The following TYMP variants were observed in gnomAD, a reference collection of about 807,000 sequenced individuals.
The protein encoded by TYMP is thymidine phosphorylase.
In TYMP, 46 loss-of-function variants were observed where a neutral mutation model predicts 42.3. The observed-to-expected ratio is 1.09, with a 90% CI of 0.86 to 1.39. The LOEUF is 1.39. Ranked by LOEUF, TYMP falls within the 40% of genes most tolerant of loss-of-function variation. The pLI is 0.00. For synonymous variants in TYMP, 363 were observed against 308.0 expected (o/e 1.18, Z -1.87); for missense variants, 837 against 677.6 (o/e 1.24, Z -2.61).
intron 5 of TYMP, 41 bp from the exon 6 acceptor site, chr22:50,527,324 T>C: frequency 6.5e-7 from 1 of 1,528,612 alleles, no homozygotes; most frequent in Non-Finnish European, 9.1e-7. Flanking sequence ...ATGGAGAACC[T>C]GGAGCTTCTT....
intron 5 of TYMP, 22 bp downstream of exon 5, chr22:50,527,566 G>A (rs2148680302): frequency 6.2e-7 from 1 of 1,613,910 alleles, no homozygotes; most frequent in Non-Finnish European, 8.5e-7. Flanking sequence ...ACATGCAGAA[G>A]CAGGCCATGG....
At position 50,527,648 on chromosome 22, in the gene TYMP, C is replaced by G. The variant is rs367723039; in HGVS notation, c.586G>C (p.Gly196Arg). ...ACATCTCTGGCTGCATATAGGATTC[C>G]GTCCGCAGGAACCAGCTGCTCACTC... ...GQSEQLVPAD[G>R]ILYAARDVTA... Residue 196 changes from glycine to arginine, a missense_variant, in exon 5 of 10, where the codon GGA becomes CGA. By Grantham distance (125) the Gly-to-Arg change is moderately radical. Coordinates refer to ENST00000252029, the MANE Select transcript of TYMP (RefSeq NM_001953.5). 3.1e-6 allele frequency: 5 copies of G among 1,613,826 alleles called. No homozygotes were observed. The Admixed American group carries it at 8.3e-5, about 27-fold the overall frequency.
intron 3 of TYMP, chr22:50,528,920 T>A: frequency 1.6e-6 from 1 of 631,812 alleles, no homozygotes; most frequent in Non-Finnish European, 2.8e-6. Context: ...TGGATCTTTT[T>A]CCTGCTCCAA....
chr22:50,529,476 G>A lies in TYMP; in HGVS notation c.214+20C>T, dbSNP rs184433943. 603 of 1,611,230 alleles carry A rather than the reference G, an allele frequency of 3.7e-4. 8 individuals carry two copies. In the East Asian group the frequency reaches 8.4e-3, roughly 23 times the overall value. On this transcript the variant is annotated intron_variant, in intron 2 of 9. Coordinates refer to ENST00000252029, the MANE Select transcript of TYMP (RefSeq NM_001953.5). ...TGACCTCCCAGTCGGGGTCAGGAAC[G>A]CCCAACCCTCCCCACGCACCGATCT...
rs755725878 is a variant in TYMP, at chr22:50,529,345, T to C, written c.215-7A>G. 5 of 1,613,042 alleles carry C rather than the reference T, an allele frequency of 3.1e-6. No individual in the cohort carries two copies. Among genetic ancestry groups the C allele is most frequent in the Admixed American group, 1.7e-5 (1 of 60,016 alleles). On this transcript the variant is annotated splice_polypyrimidine_tract_variant and splice_region_variant and intron_variant, in intron 2 of 9. Transcript: ENST00000252029. ...ATGGCCATCAGCATGGCCCCTGGTA[T>C]GTGGGGGTACGCGTGAGGGTGGCAG... is the stretch of plus-strand genomic sequence containing the variant.
intron 6 of TYMP, 143 bp from the exon 7 acceptor site, chr22:50,526,881 C>T (rs1218484196): frequency 3.3e-6 from 3 of 898,456 alleles, no homozygotes; most frequent in East Asian, 5.3e-5. Flanking sequence ...GGAAGAGACA[C>T]GAGTGAAGTG....
In TYMP at chr22:50,526,847, G is replaced by A. The variant is rs2069408340; in HGVS notation, c.766-109C>T. ...CCCTGGGTTGCCAGCCCCCCAGCAT[G>A]AAGTCAGGGAAGGATTGGGGTGGGG... On this transcript the variant is annotated intron_variant, in intron 6 of 9. Coordinates refer to ENST00000252029, the MANE Select transcript of TYMP (RefSeq NM_001953.5). 3.5e-6 allele frequency: 4 copies of A among 1,156,906 alleles called. No homozygotes were observed. The East Asian group carries it at 1.0e-4, about 30-fold the overall frequency. The allele number at this position is 1,156,906 out of a possible 1,614,324, so 71.7% of individuals were successfully genotyped here. A position where few individuals can be genotyped will look rare whatever the true frequency, so the allele number is the denominator to read the frequency against.
chr22:50,529,599 CG>C lies in TYMP; in HGVS notation c.110del (p.Pro37ArgfsTer3). On this transcript the variant is annotated frameshift_variant, in exon 2 of 10. Transcript: ENST00000252029. LOFTEE classifies it high-confidence loss of function. ...CGTCTCGCTTCATGCGGATCAGCTC[CG>C]GGAGCTGCTTGGGCTCTGGCGAAGG... Reference protein sequence around the residue: ...PDPSPEPKQLPELIRMKRDGG... With the variant: ...PDPSPEPKQLXELIRMKRDGG... 1 of 1,613,140 alleles carries C rather than the reference CG, an allele frequency of 6.2e-7. No homozygotes were observed. Among genetic ancestry groups the C allele is most frequent in the Non-Finnish European group, 8.5e-7 (1 of 1,179,906 alleles).
At position 50,526,304 on chromosome 22, in the gene TYMP, T is replaced by G. The variant is rs1366685579; in HGVS notation, c.1101A>C (p.Glu367Asp). The G allele has an allele frequency of 6.4e-7, 1 of 1,557,708 alleles. No individual in the cohort carries two copies. Among genetic ancestry groups the G allele is most frequent in the Non-Finnish European group, 8.6e-7 (1 of 1,162,346 alleles). Residue 367 changes from glutamate (E) to aspartate (D), a missense_variant, in exon 8 of 10, where the codon GAA becomes GAC. Coordinates refer to ENST00000252029, the MANE Select transcript of TYMP (RefSeq NM_001953.5). ...ARALCSGSPA[E>D]RRQLLPRARE... is the part of the protein sequence containing the mutation. Reference sequence around the variant, plus strand: ...GGGCGCGAGGCAGCAGCTGCCGGCGTTCTGCGGGACTTCCCGAGCACAGGG... The same window carrying G: ...GGGCGCGAGGCAGCAGCTGCCGGCGGTCTGCGGGACTTCCCGAGCACAGGG...
In TYMP at chr22:50,526,723, T is replaced by G; in HGVS notation, c.781A>C (p.Ser261Arg). The G allele has an allele frequency of 6.5e-7, 1 of 1,537,466 alleles. No homozygotes were observed. The highest frequency in any genetic ancestry group is 1.2e-5 in the South Asian group (1 of 84,026). ...LAKTLVGVGA[S>R]LGLRVAAALT... Reference sequence around the variant, plus strand: ...GCTGCCGCGACCCGAAGCCCTAGGCTGGCTCCCACGCCAACCTGCGGAGAG... The same window carrying G: ...GCTGCCGCGACCCGAAGCCCTAGGCGGGCTCCCACGCCAACCTGCGGAGAG... Residue 261 changes from serine to arginine, a missense_variant, in exon 7 of 10, where the codon AGC (serine) becomes CGC (arginine). By Grantham distance (110) the Ser-to-Arg change is moderately radical. Transcript: ENST00000252029.
Position 50,525,807 on chromosome 22 carries a change from G to A in TYMP, c.1412C>T (p.Ser471Leu), listed in dbSNP as rs11479. ...LSDRAPFAAP[S>L]PFAELVLPPQ... ...CGGCAGAACGAGCTCTGCGAAGGGCGAGGGGGCGGCGAATGGCGCGCGGTC... is the reference window on the plus strand; with the variant it reads ...CGGCAGAACGAGCTCTGCGAAGGGCAAGGGGGCGGCGAATGGCGCGCGGTC... The change falls in exon 10 of 10, where the codon TCG becomes TTG. Residue 471 changes from serine (S) to leucine (L), a missense_variant. Transcript: ENST00000252029. 0.099 allele frequency: 160,210 copies of A among 1,610,390 alleles called. 9,556 individuals are homozygous for A. The highest frequency in any genetic ancestry group is 0.24 in the East Asian group (10,812 of 44,798).
intron 6 of TYMP, 102 bp from the exon 7 acceptor site, chr22:50,526,840 C>T: frequency 7.9e-7 from 1 of 1,264,140 alleles, no homozygotes; most frequent in Non-Finnish European, 1.1e-6. Context: ...TGCCAGCCCC[C>T]CAGCATGAAG....
At chr22:50,526,836 C>A in intron 6 of TYMP, 98 bp from the exon 7 acceptor site, 3 of 1,287,196 alleles carry the variant, frequency 2.3e-6, no homozygotes, top group Admixed American at 4.5e-5. Context: ...GGGTTGCCAG[C>A]CCCCCAGCAT....
chr22:50,526,356 T>A lies in TYMP; in HGVS notation c.1049A>T (p.Gln350Leu). ...LGRFERMLAAQGVDPGLARAL... is the reference protein window; with the variant it reads ...LGRFERMLAALGVDPGLARAL... ...TCGGGCCAGACCGGGATCCACGCCC[T>A]GCGCCGCCAGCATCCGCTCGAAGCG... Residue 350 changes from glutamine to leucine, a missense_variant, in exon 8 of 10, where the codon CAG (glutamine) becomes CTG (leucine). Physicochemically the swap from Gln to Leu is moderately radical, Grantham distance 113 (BLOSUM62 -2). Transcript: ENST00000252029. 1 of 1,549,264 alleles carries A rather than the reference T, an allele frequency of 6.5e-7. No homozygotes were observed. The highest frequency in any genetic ancestry group is 8.6e-7 in the Non-Finnish European group (1 of 1,159,192).
Position 50,527,612 on chromosome 22 carries a change from C to A in TYMP, c.622G>T (p.Val208Leu). Residue 208 changes from valine to leucine, a missense_variant, in exon 5 of 10, where the codon GTG (valine) becomes TTG (leucine). Physicochemically the swap from Val to Leu is conservative, Grantham distance 32. Transcript: ENST00000252029. The part of the protein sequence containing the change: ...LYAARDVTAT[V>L]DSLPLITASI... ...CCTGTGATGAGTGGCAGGCTGTCCACGGTGGCTGTCACATCTCTGGCTGCA... is the reference window on the plus strand; with the variant it reads ...CCTGTGATGAGTGGCAGGCTGTCCAAGGTGGCTGTCACATCTCTGGCTGCA... The A allele has an allele frequency of 6.2e-7, 1 of 1,613,950 alleles. No homozygotes were observed. Among genetic ancestry groups the A allele is most frequent in the East Asian group, 2.2e-5 (1 of 44,878 alleles).
chr22:50,526,328 G>A lies in TYMP; in HGVS notation c.1077C>T (p.Ala359=), dbSNP rs771137260. The A allele has an allele frequency of 7.7e-6, 12 of 1,561,576 alleles. No individual in the cohort carries two copies. In the African/African-American group the frequency reaches 1.7e-4, roughly 22 times the overall value. Residue 359 remains alanine, a synonymous_variant, in exon 8 of 10, where the codon GCC becomes GCT. Coordinates refer to ENST00000252029, the MANE Select transcript of TYMP (RefSeq NM_001953.5). ...GTTCTGCGGGACTTCCCGAGCACAG[G>A]GCTCGGGCCAGACCGGGATCCACGC... is the stretch of plus-strand genomic sequence containing the variant. ...AQGVDPGLAR[A]LCSGSPAERR...
Position 50,527,570 on chromosome 22 carries a change from G to A in TYMP, c.646+18C>T, listed in dbSNP as rs2069439429. The A allele has an allele frequency of 2.5e-6, 4 of 1,613,932 alleles. No homozygotes were observed. The highest frequency in any genetic ancestry group is 1.1e-5 in the South Asian group (1 of 91,076). ...GGAGCCTGTGAACATGCAGAAGCAG[G>A]CCATGGAGTCAGGTCACCTGTGATG... On this transcript the variant is annotated intron_variant, in intron 5 of 9. Coordinates refer to ENST00000252029, the MANE Select transcript of TYMP (RefSeq NM_001953.5).
intron 8 of TYMP, 45 bp from the exon 9 acceptor site, chr22:50,526,186 G>C: frequency 6.8e-7 from 1 of 1,473,876 alleles, no homozygotes; most frequent in Non-Finnish European, 9.0e-7. Context: ...GAAGGGGCGG[G>C]GCCTCGGGAA....
chr22:50,527,055 TG>T, intron 6 of TYMP, 109 bp downstream of exon 6: 1 of 906,000 alleles, frequency 1.1e-6, no homozygotes, highest in Non-Finnish European at 1.8e-6. Context: ...AGGGTGGGAC[TG>T]GGGTTAGGCA....
Sources: gnomAD v4.1 joint callset for allele counts on GRCh38, gnomAD v4.1.1 for gene constraint, MANE v1.5 for transcripts, NCBI Gene and HGNC (gene_info 2026-07-23, HGNC 2026-07-21) for gene names.